Variants in GULP1 observed in about 807,000 individuals in gnomAD.
GULP1 encodes the protein GULP PTB domain containing engulfment adaptor 1.
Under a neutral mutation model 40.9 loss-of-function variants are expected in GULP1, and 19 were observed. The observed-to-expected ratio is 0.46, with a 90% CI of 0.32 to 0.68. The LOEUF (loss-of-function observed/expected upper bound fraction) is 0.68. Among genes scored for constraint, GULP1 ranks in the 30% least tolerant of loss-of-function variants. The pLI is 0.03. For synonymous variants in GULP1, 119 were observed against 117.6 expected (o/e 1.01, Z -0.08); for missense variants, 312 against 362.2 (o/e 0.86, Z 1.12).
chr2:188,576,238 T>C lies in GULP1; in HGVS notation c.609+6118T>C, dbSNP rs184125632. 1.1e-3 allele frequency among the ~76,000 whole-genome samples: 167 copies of C among 152,014 alleles called. 1 individual carries two copies. Among genetic ancestry groups the C allele is most frequent in the African/African-American group, 4.0e-3 (164 of 41,384 alleles). On this transcript the variant is annotated intron_variant, in intron 9 of 11. Transcript: ENST00000409830. ...ATAGAGAAGGTCTGGTCTCATGATG[T>C]GTGCTTGAGTGAAAAAAAAAAGCTT... is the stretch of plus-strand genomic sequence containing the variant.
intron 1 of GULP1, among the ~76,000 whole-genome samples, chr2:188,300,208 C>T (rs2035877814): frequency 6.6e-6 from 1 of 152,000 alleles, no homozygotes; most frequent in African/African-American, 2.4e-5. Context: ...AATTTTTAAT[C>T]ACAGCATTAA....
At chr2:188,377,434 G>C (rs2048439121) in intron 1 of GULP1, among the ~76,000 whole-genome samples, 1 of 152,054 alleles carries the variant, frequency 6.6e-6, no homozygotes, top group Admixed American at 6.6e-5. Context: ...GTTTATAATA[G>C]ACAAGATTTT....
At position 188,292,162 on chromosome 2, in the gene GULP1, G is replaced by A; in HGVS notation, c.-176G>A. On this transcript the variant is annotated 5_prime_UTR_variant, in exon 1 of 12. In the 5' UTR this introduces an upstream ATG that the reference lacks. Coordinates refer to ENST00000409830, the MANE Select transcript of GULP1 (RefSeq NM_016315.4). The surrounding 1 kb of genome is among the most constrained non-coding windows in gnomAD (Gnocchi z 4.0). ...AAGCCTGACCCGACTGCCTCTCTCAGTGAGGTACGGAGATTTATCTAGGCT... is the reference window on the plus strand; with the variant it reads ...AAGCCTGACCCGACTGCCTCTCTCAATGAGGTACGGAGATTTATCTAGGCT... 6.6e-6 allele frequency: 1 copy of A among 152,450 alleles called. No individual in the cohort carries two copies. Among genetic ancestry groups the A allele is most frequent in the Non-Finnish European group, 1.5e-5 (1 of 68,140 alleles). 9.4% of individuals were successfully genotyped at this position (152,450 alleles called of 1,614,324 possible).
rs576599027 is a variant in GULP1, at chr2:188,335,688, T to C, written c.-172+43522T>C. 5.9e-5 allele frequency among the ~76,000 whole-genome samples: 9 copies of C among 152,346 alleles called. No homozygotes were observed. In the South Asian group the frequency reaches 1.9e-3, roughly 32 times the overall value. On this transcript the variant is annotated intron_variant, in intron 1 of 11. Coordinates refer to ENST00000409830, the MANE Select transcript of GULP1 (RefSeq NM_016315.4). ...ATAGGATTTGACGCAAAAAAATGCT[T>C]TGAAATAATCCCTTCAAGTGACAAC...
chr2:188,541,483 G>A (rs1690475855), intron 7 of GULP1, 165 bp downstream of exon 7: 1 of 698,080 alleles, frequency 1.4e-6, no homozygotes, highest in South Asian at 1.6e-5. Context: ...TTTGTCATGA[G>A]AATATGCTTC....
chr2:188,532,753 T>TAAA (rs5837093), intron 6 of GULP1, among the ~76,000 whole-genome samples: 7 of 125,788 alleles, frequency 5.6e-5, no homozygotes, highest in South Asian at 2.8e-4. Context: ...CTGTCTCTAC[T>TAAA]AAAAAAAAAA....
chr2:188,356,148 C>T (rs1307588973), intron 1 of GULP1, among the ~76,000 whole-genome samples: 1 of 152,008 alleles, frequency 6.6e-6, no homozygotes, highest in Non-Finnish European at 1.5e-5. Flanking sequence ...TGTCCGTTTT[C>T]ATCACTTTTA....
At chr2:188,468,631 CATT>C (rs1342119394) in intron 2 of GULP1, among the ~76,000 whole-genome samples, 2 of 152,068 alleles carry the variant, frequency 1.3e-5, no homozygotes, top group Admixed American at 6.6e-5. Flanking sequence ...TGAAAGCACT[CATT>C]AGTGTGAGAG....
intron 1 of GULP1, among the ~76,000 whole-genome samples, chr2:188,350,624 ATAGT>A (rs1450736286): frequency 6.6e-6 from 1 of 151,890 alleles, no homozygotes; most frequent in Non-Finnish European, 1.5e-5. Flanking sequence ...GTGAATAGAG[ATAGT>A]TATAGTTCCT....
intron 4 of GULP1, among the ~76,000 whole-genome samples, chr2:188,487,056 A>C (rs1295560706): frequency 6.6e-6 from 1 of 152,024 alleles, no homozygotes; most frequent in African/African-American, 2.4e-5. Context: ...TACTATAATT[A>C]GAATGTTAAT....
chr2:188,355,426 C>T (rs1412466077), intron 1 of GULP1, among the ~76,000 whole-genome samples: 1 of 151,778 alleles, frequency 6.6e-6, no homozygotes, highest in African/African-American at 2.4e-5. Context: ...CTTGGAAAAC[C>T]TAGAGGAAAT....
chr2:188,377,162 A>G (rs1353875453), intron 1 of GULP1, among the ~76,000 whole-genome samples: 3 of 151,164 alleles, frequency 2.0e-5, no homozygotes. Context: ...ACAGAGCGAG[A>G]CTCCATCTCA....
intron 2 of GULP1, among the ~76,000 whole-genome samples, chr2:188,404,910 G>C (rs1262443256): frequency 6.6e-6 from 1 of 152,108 alleles, no homozygotes; most frequent in East Asian, 1.9e-4. Flanking sequence ...CAGGTGCTAG[G>C]CTTTCGACTG....
intron 7 of GULP1, among the ~76,000 whole-genome samples, chr2:188,554,873 A>G (rs1233649308): frequency 6.6e-6 from 1 of 151,984 alleles, no homozygotes; most frequent in East Asian, 1.9e-4. Context: ...GTCTCACTGG[A>G]TATATTCCTT....
At chr2:188,530,039 C>CTA (rs919741148) in intron 6 of GULP1, among the ~76,000 whole-genome samples, 1 of 152,060 alleles carries the variant, frequency 6.6e-6, no homozygotes, top group Admixed American at 6.6e-5. Context: ...ACCTGATTGG[C>CTA]TATAGCAAGG....
At position 188,292,948 on chromosome 2, in the gene GULP1, G is replaced by T. The variant is rs933598824; in HGVS notation, c.-172+782G>T. ...TCACTCGCCACACGGATCAGAATCC[G>T]GAGCAGGCAGTTCTCTCTATTCTGA... On this transcript the variant is annotated intron_variant, in intron 1 of 11. Transcript: ENST00000409830. This position sits in a 1 kb window ranked among gnomAD's most constrained non-coding sequence, Gnocchi z 4.0. 2 of 152,324 alleles carry T rather than the reference G, an allele frequency of 1.3e-5. No homozygotes were observed. The highest frequency in any genetic ancestry group is 1.3e-4 in the Admixed American group (2 of 15,280). The allele number at this position is 152,324 out of a possible 1,614,324, so 9.4% of individuals were successfully genotyped here.
chr2:188,384,583 A>G (rs920501188), intron 2 of GULP1, among the ~76,000 whole-genome samples: 2 of 152,148 alleles, frequency 1.3e-5, no homozygotes, highest in South Asian at 4.1e-4. Flanking sequence ...ACAATCCCCC[A>G]AAGTCTTAAC....
intron 4 of GULP1, among the ~76,000 whole-genome samples, chr2:188,518,314 G>T (rs2065393953): frequency 6.6e-6 from 1 of 152,124 alleles, no homozygotes; most frequent in Non-Finnish European, 1.5e-5. Flanking sequence ...ACATCAGCTG[G>T]AGCCACAGCA....
intron 1 of GULP1, among the ~76,000 whole-genome samples, chr2:188,342,146 A>G (rs1028044507): frequency 3.9e-5 from 6 of 152,198 alleles, no homozygotes; most frequent in African/African-American, 1.4e-4. Flanking sequence ...AACAAATACC[A>G]TACACTTGGT....
Sources: gnomAD v4.1 joint callset for allele counts (sites outside exome capture counted in the v4.1 genomes callset) on GRCh38, gnomAD v4.1.1 for gene constraint, Gnocchi (gnomAD v3.1) non-coding constraint, MANE v1.5 for transcripts, NCBI Gene and HGNC (gene_info 2026-07-23, HGNC 2026-07-21) for gene names.